The following MRPL48 variants were observed in gnomAD, a reference collection of about 807,000 sequenced individuals.
MRPL48 encodes mitochondrial ribosomal protein L48.
In MRPL48, 16 loss-of-function variants were observed where a neutral mutation model predicts 32.9. That is an observed-to-expected ratio of 0.49 (90% CI 0.33 to 0.74). The LOEUF (loss-of-function observed/expected upper bound fraction) is 0.74, where lower values mean the gene tolerates loss of function less well. Among genes scored for constraint, MRPL48 ranks in the 30% least tolerant of loss-of-function variants. The pLI is 0.02. For missense variants in MRPL48, 206 were observed against 245.3 expected (o/e 0.84, Z 1.07); for synonymous variants, 94 against 89.2 (o/e 1.05, Z -0.31).
At chr11:73,809,361 G>A (rs1174021906) in intron 3 of MRPL48, among the ~76,000 whole-genome samples, 3 of 151,910 alleles carry the variant, frequency 2.0e-5, no homozygotes, top group Non-Finnish European at 2.9e-5. Flanking sequence ...AAAATTAGCC[G>A]GGCGTGGTGG....
At chr11:73,833,115 G>A (rs1948025713) in intron 4 of MRPL48, among the ~76,000 whole-genome samples, 1 of 152,042 alleles carries the variant, frequency 6.6e-6, no homozygotes, top group Non-Finnish European at 1.5e-5. Context: ...GTCAGTGAAG[G>A]TGTTACGGAG....
chr11:73,789,526 A>G (rs1006730591), intron 1 of MRPL48: 1 of 152,168 alleles, frequency 6.6e-6, no homozygotes, highest in African/African-American at 2.4e-5. Flanking sequence ...AATACTTTAC[A>G]TTTATAAGGA....
intron 1 of MRPL48, among the ~76,000 whole-genome samples, chr11:73,802,749 G>T (rs1319395456): frequency 6.6e-6 from 1 of 150,898 alleles, no homozygotes; most frequent in Non-Finnish European, 1.5e-5. Flanking sequence ...CCCCAGGCCA[G>T]AGTGCAATGG....
intron 4 of MRPL48, chr11:73,843,005 G>A (rs1948219629): frequency 2.0e-5 from 3 of 151,908 alleles, no homozygotes; most frequent in Admixed American, 1.3e-4. Context: ...TGTAGAGTCG[G>A]GATCTAGCTA....
At chr11:73,848,443 T>G (rs1948334397) in intron 5 of MRPL48, among the ~76,000 whole-genome samples, 1 of 152,040 alleles carries the variant, frequency 6.6e-6, no homozygotes, top group Non-Finnish European at 1.5e-5. Context: ...TCCATAAAAA[T>G]TTTTAGAATT....
Position 73,788,012 on chromosome 11 carries a change from C to A in MRPL48, c.21+20C>A. On this transcript the variant is annotated intron_variant, in intron 1 of 7. Coordinates refer to ENST00000310614, the MANE Select transcript of MRPL48 (RefSeq NM_016055.6). Reference sequence around the variant, plus strand: ...GAAAAGGTAACGTAGATTCCACGCACGCGGGGCGCGGGGAGATGGCGGACG... The same window carrying A: ...GAAAAGGTAACGTAGATTCCACGCAAGCGGGGCGCGGGGAGATGGCGGACG... The A allele has an allele frequency of 6.5e-7, 1 of 1,528,410 alleles. No homozygotes were observed. Among genetic ancestry groups the A allele is most frequent in the Non-Finnish European group, 8.9e-7 (1 of 1,129,512 alleles). The allele number at this position is 1,528,410 out of a possible 1,614,324, so 94.7% of individuals were successfully genotyped here. A position where few individuals can be genotyped will look rare whatever the true frequency, so the allele number is the denominator to read the frequency against.
At chr11:73,795,653 C>T (rs930944534) in intron 1 of MRPL48, among the ~76,000 whole-genome samples, 1 of 148,058 alleles carries the variant, frequency 6.8e-6, no homozygotes, top group African/African-American at 2.5e-5. Context: ...ACTGCAGGCA[C>T]CCGCCACCAC....
Position 73,844,949 on chromosome 11 carries a change from A to C in MRPL48, c.344A>C (p.Asn115Thr). 1 of 1,610,422 alleles carries C rather than the reference A, an allele frequency of 6.2e-7. No individual in the cohort carries two copies. ...GCCCAGTATGTTCACAACCTCTGCA[A>C]CTCTCTCTCCATTAAAGTCGAGGAA... Reference protein sequence around the residue: ...SYAQYVHNLCNSLSIKVEESY... With the variant: ...SYAQYVHNLCTSLSIKVEESY... The change falls in exon 5 of 8, where the codon AAC becomes ACC. Residue 115 changes from asparagine (N) to threonine (T), a missense_variant. Physicochemically the swap from Asn to Thr is moderately conservative, Grantham distance 65. Transcript: ENST00000310614.
intron 4 of MRPL48, among the ~76,000 whole-genome samples, chr11:73,831,688 C>T (rs1020276012): frequency 1.6e-4 from 25 of 152,108 alleles, no homozygotes; most frequent in African/African-American, 5.8e-4. Flanking sequence ...TGCCTATAAT[C>T]CCAGCACTTT....
At chr11:73,847,577 A>C (rs1948317405) in intron 5 of MRPL48, among the ~76,000 whole-genome samples, 1 of 151,920 alleles carries the variant, frequency 6.6e-6, no homozygotes, top group Admixed American at 6.6e-5. Context: ...AGTAGCTGGG[A>C]CTACAGGCGC....
Position 73,844,957 on chromosome 11 carries a change from T to C in MRPL48, c.352T>C (p.Ser118Pro). ...TGTTCACAACCTCTGCAACTCTCTCTCCATTAAAGTCGAGGAAAGGTATGA... is the reference window on the plus strand; with the variant it reads ...TGTTCACAACCTCTGCAACTCTCTCCCCATTAAAGTCGAGGAAAGGTATGA... ...QYVHNLCNSL[S>P]IKVEESYAMP... is the part of the protein sequence containing the mutation. Residue 118 changes from serine (S) to proline (P), a missense_variant, in exon 5 of 8, where the codon TCC (serine) becomes CCC (proline). By Grantham distance (74) the Ser-to-Pro change is moderately conservative (BLOSUM62 -1). Transcript: ENST00000310614. 6.2e-7 allele frequency: 1 copy of C among 1,608,930 alleles called. No homozygotes were observed. The highest frequency in any genetic ancestry group is 1.1e-5 in the South Asian group (1 of 90,444).
intron 5 of MRPL48, among the ~76,000 whole-genome samples, chr11:73,858,979 T>C (rs976879163): frequency 3.9e-5 from 6 of 152,240 alleles, no homozygotes; most frequent in African/African-American, 1.4e-4. Context: ...ATAAACTCTA[T>C]AATCTGGGAG....
At position 73,808,339 on chromosome 11, in the gene MRPL48, T is replaced by C. The variant is rs1408387299; in HGVS notation, c.101T>C (p.Ile34Thr). 3.7e-6 allele frequency: 6 copies of C among 1,608,646 alleles called. No individual in the cohort carries two copies. Among genetic ancestry groups the C allele is most frequent in the African/African-American group, 1.3e-5 (1 of 75,020 alleles). Residue 34 changes from isoleucine (I) to threonine (T), a missense_variant, in exon 3 of 8, where the codon ATC (isoleucine) becomes ACC (threonine). Transcript: ENST00000310614. Reference sequence around the variant, plus strand: ...TTTAGAACTTCAGGAGAGAAGCCCATCTATTCTGTAGGTAAGCAGTTTTTA... The same window carrying C: ...TTTAGAACTTCAGGAGAGAAGCCCACCTATTCTGTAGGTAAGCAGTTTTTA... ...LRFRTSGEKP[I>T]YSVGGILLSI...
At chr11:73,853,775 C>T (rs1049559476) in intron 5 of MRPL48, among the ~76,000 whole-genome samples, 6 of 148,392 alleles carry the variant, frequency 4.0e-5, no homozygotes, top group Non-Finnish European at 7.4e-5. Context: ...ACTGCAAGCT[C>T]CGCCTCCCGG....
At chr11:73,788,795 CA>C (rs1947097680) in intron 1 of MRPL48, among the ~76,000 whole-genome samples, 1 of 152,100 alleles carries the variant, frequency 6.6e-6, no homozygotes, top group Admixed American at 6.6e-5. Flanking sequence ...TTTTCGTTTC[CA>C]AAACCTTATT....
chr11:73,852,466 T>C (rs1429051988), intron 5 of MRPL48, among the ~76,000 whole-genome samples: 1 of 151,198 alleles, frequency 6.6e-6, no homozygotes, highest in Non-Finnish European at 1.5e-5. Context: ...TAGACGTTTC[T>C]TAAAAGATGT....
intron 5 of MRPL48, among the ~76,000 whole-genome samples, chr11:73,857,970 A>G (rs1948515928): frequency 6.6e-6 from 1 of 152,218 alleles, no homozygotes; most frequent in African/African-American, 2.4e-5. Flanking sequence ...TAAACAAATC[A>G]ATGAAATCTT....
intron 5 of MRPL48, among the ~76,000 whole-genome samples, chr11:73,848,756 A>G (rs553736516): frequency 5.0e-4 from 76 of 152,138 alleles, no homozygotes; most frequent in Non-Finnish European, 7.6e-4. Flanking sequence ...ACAGTATAGG[A>G]TGCCCTCTGG....
chr11:73,796,938 G>C (rs972237514), intron 1 of MRPL48, among the ~76,000 whole-genome samples: 7 of 152,054 alleles, frequency 4.6e-5, no homozygotes, highest in Non-Finnish European at 8.8e-5. Flanking sequence ...GTGGTGGTGG[G>C]CGCCTGTAAT....
Sources: allele counts gnomAD v4.1 joint callset (sites outside exome capture counted in the v4.1 genomes callset), GRCh38; gene constraint gnomAD v4.1.1; transcripts MANE v1.5; gene names NCBI Gene and HGNC (gene_info 2026-07-23, HGNC 2026-07-21).